UBE2L3: variants seen among roughly 807,000 people sequenced by gnomAD.
UBE2L3 encodes ubiquitin conjugating enzyme E2 L3, also known as ubiquitin-conjugating enzyme E2 L3.
A neutral mutation model predicts 17.8 loss-of-function variants in UBE2L3; 1 was observed. The ratio of observed to expected loss-of-function variants is 0.06; its 90% CI spans 0.02 to 0.27. The LOEUF (loss-of-function observed/expected upper bound fraction) is 0.27, where lower values mean the gene tolerates loss of function less well. Among genes scored for constraint, UBE2L3 ranks in the 10% least tolerant of loss-of-function variants. UBE2L3 has a pLI of 1.00. For synonymous variants in UBE2L3, 44 were observed against 68.5 expected, an observed-to-expected ratio of 0.64 and a Z score of 1.76; for missense variants, 40 against 192.6, an observed-to-expected ratio of 0.21 and a Z score of 4.69.
At chr22:21,617,546 T>TG (rs1276983796) in intron 3 of UBE2L3, among the ~76,000 whole-genome samples, 1 of 152,060 alleles carries the variant, frequency 6.6e-6, no homozygotes, top group Non-Finnish European at 1.5e-5. Context: ...GGGTTACAAG[T>TG]GTGAGCTGCT....
intron 1 of UBE2L3, among the ~76,000 whole-genome samples, chr22:21,575,530 A>C (rs1217478320): frequency 6.9e-6 from 1 of 144,728 alleles, no homozygotes; most frequent in African/African-American, 2.5e-5. Flanking sequence ...CGGAGGTTGC[A>C]GTGAGCTGAG....
At chr22:21,584,605 A>G (rs1187039352) in intron 1 of UBE2L3, among the ~76,000 whole-genome samples, 1 of 151,278 alleles carries the variant, frequency 6.6e-6, no homozygotes, top group East Asian at 2.0e-4. Flanking sequence ...TCATTTTTTA[A>G]TTTTTTTGTA....
upstream of UBE2L3, among the ~76,000 whole-genome samples, chr22:21,566,519 G>A (rs1926646457): frequency 6.6e-6 from 1 of 151,708 alleles, no homozygotes; most frequent in Non-Finnish European, 1.5e-5. Flanking sequence ...CTAGGAGGTC[G>A]AGGCGGCAGT....
chr22:21,571,450 C>T (rs1926958049), intron 1 of UBE2L3, among the ~76,000 whole-genome samples: 1 of 152,050 alleles, frequency 6.6e-6, no homozygotes, highest in Admixed American at 6.6e-5. Context: ...CTCTTGTTGC[C>T]CAGGCTTCAG....
At chr22:21,566,099 A>G (rs1601388078), upstream of UBE2L3, among the ~76,000 whole-genome samples, 1 of 151,268 alleles carries the variant, frequency 6.6e-6, no homozygotes. Flanking sequence ...CAGCATCCAG[A>G]GTAGCTGGGA....
chr22:21,580,424 G>A (rs1927560259), intron 1 of UBE2L3, among the ~76,000 whole-genome samples: 1 of 152,052 alleles, frequency 6.6e-6, no homozygotes, highest in South Asian at 2.1e-4. Context: ...TTCTGTTCTT[G>A]TTGGAATTAC....
In UBE2L3 at chr22:21,622,950, T is replaced by C. The variant is rs1930115492; in HGVS notation, c.*1281T>C. ...TAGAATTTATCGTCAGATAAACTTG[T>C]AAAGATTTGAATATTAATGTCTTTT... is the stretch of plus-strand genomic sequence containing the variant. On this transcript the variant is annotated 3_prime_UTR_variant, in exon 4 of 4. Coordinates refer to ENST00000342192, the MANE Select transcript of UBE2L3 (RefSeq NM_003347.4). The C allele has an allele frequency of 6.5e-6, 1 of 152,724 alleles. No individual in the cohort carries two copies. Among genetic ancestry groups the C allele is most frequent in the African/African-American group, 2.4e-5 (1 of 41,450 alleles). The allele number at this position is 152,724 out of a possible 1,614,324, so 9.5% of individuals were successfully genotyped here. A position where few individuals can be genotyped will look rare whatever the true frequency, so the allele number is the denominator to read the frequency against.
chr22:21,569,290 G>A (rs1166528266), intron 1 of UBE2L3, among the ~76,000 whole-genome samples: 1 of 151,848 alleles, frequency 6.6e-6, no homozygotes, highest in African/African-American at 2.4e-5. Context: ...CAGCTACCCG[G>A]GAGGCTGAGG....
At chr22:21,607,161 G>A (rs1381007821) in intron 2 of UBE2L3, among the ~76,000 whole-genome samples, 2 of 152,112 alleles carry the variant, frequency 1.3e-5, no homozygotes, top group Admixed American at 1.3e-4. Context: ...TTACTGGAGT[G>A]CGTACTTAGG....
intron 1 of UBE2L3, among the ~76,000 whole-genome samples, chr22:21,592,625 C>T (rs1489761459): frequency 6.6e-6 from 1 of 152,146 alleles, no homozygotes; most frequent in Non-Finnish European, 1.5e-5. Context: ...CAGGGGGGTT[C>T]ACTGAGGTGG....
chr22:21,556,126 G>A (rs1422205103), intron 1 of UBE2L3, among the ~76,000 whole-genome samples: 1 of 152,254 alleles, frequency 6.6e-6, no homozygotes, highest in African/African-American at 2.4e-5. Context: ...AGAGACTTGG[G>A]AGGCTGAGGT....
chr22:21,584,974 AC>A (rs1471656158), intron 1 of UBE2L3, among the ~76,000 whole-genome samples: 4 of 152,174 alleles, frequency 2.6e-5, no homozygotes, highest in Non-Finnish European at 5.9e-5. Flanking sequence ...CAAACAAAAA[AC>A]AACAAAATGT....
intron 1 of UBE2L3, among the ~76,000 whole-genome samples, chr22:21,580,188 A>G (rs1451901938): frequency 6.6e-6 from 1 of 152,178 alleles, no homozygotes; most frequent in African/African-American, 2.4e-5. Flanking sequence ...GGTGGCTGAG[A>G]TAGTCAAAAA....
intron 2 of UBE2L3, among the ~76,000 whole-genome samples, chr22:21,595,158 G>A (rs563830321): frequency 2.0e-5 from 3 of 152,348 alleles, no homozygotes; most frequent in African/African-American, 7.2e-5. Context: ...GAGCTATCCA[G>A]GCCAAAGTTT....
intron 1 of UBE2L3, among the ~76,000 whole-genome samples, chr22:21,577,141 T>C (rs1927358690): frequency 6.6e-6 from 1 of 152,098 alleles, no homozygotes. Context: ...GCTAATCTTT[T>C]GTATTTTTAG....
chr22:21,571,873 G>GAGAT (rs1280451506), intron 1 of UBE2L3, among the ~76,000 whole-genome samples: 1 of 152,186 alleles, frequency 6.6e-6, no homozygotes, highest in Non-Finnish European at 1.5e-5. Context: ...GGTGATTAAG[G>GAGAT]AGATAGAGCA....
chr22:21,607,052 C>CCCT (rs2067345229), intron 2 of UBE2L3, among the ~76,000 whole-genome samples: 1 of 152,190 alleles, frequency 6.6e-6, no homozygotes, highest in Non-Finnish European at 1.5e-5. Flanking sequence ...TCCTTTAAGG[C>CCCT]CCTTGCTCCA....
At chr22:21,559,286 T>C (rs1239743725) in intron 1 of UBE2L3, among the ~76,000 whole-genome samples, 3 of 151,756 alleles carry the variant, frequency 2.0e-5, no homozygotes, top group Admixed American at 2.0e-4. Flanking sequence ...AAGTGGAGGT[T>C]ACAGTGAGCT....
chr22:21,618,238 T>G (rs1320100693), intron 3 of UBE2L3, among the ~76,000 whole-genome samples: 1 of 151,122 alleles, frequency 6.6e-6, no homozygotes, highest in East Asian at 2.0e-4. Context: ...AATAACGAAA[T>G]AGACAAATGG....
Sources: allele counts gnomAD v4.1 joint callset (sites outside exome capture counted in the v4.1 genomes callset), GRCh38; gene constraint gnomAD v4.1.1; transcripts MANE v1.5; gene names NCBI Gene and HGNC (gene_info 2026-07-23, HGNC 2026-07-21).